The following MTBP variants were observed in gnomAD, a reference collection of about 807,000 sequenced individuals.
The protein encoded by MTBP is MDM2 binding protein, also known as mdm2-binding protein.
A neutral mutation model predicts 117.0 loss-of-function variants in MTBP; 101 were observed. The ratio of observed to expected loss-of-function variants is 0.86; its 90% CI spans 0.73 to 1.02. The LOEUF (loss-of-function observed/expected upper bound fraction) is 1.02, where lower values mean the gene tolerates loss of function less well. Ranked by LOEUF, MTBP falls within the 50% of genes least tolerant of loss-of-function variation. The pLI, the probability that MTBP is intolerant of heterozygous loss-of-function variation, is 0.00. For missense variants in MTBP, 970 were observed against 1,030.9 expected, an observed-to-expected ratio of 0.94 and a Z score of 0.81; for synonymous variants, 350 against 351.5, an observed-to-expected ratio of 1.00 and a Z score of 0.05.
At chr8:120,461,726 C>T (rs186700669) in intron 9 of MTBP, among the ~76,000 whole-genome samples, 1 of 152,218 alleles carries the variant, frequency 6.6e-6, no homozygotes, top group East Asian at 1.9e-4. Flanking sequence ...GTTAACTTTA[C>T]TATTATTTTT....
intron 20 of MTBP, among the ~76,000 whole-genome samples, chr8:120,520,591 C>T (rs779481732): frequency 1.4e-4 from 21 of 152,120 alleles, no homozygotes; most frequent in Non-Finnish European, 2.2e-4. Context: ...AATTCTTCAA[C>T]GAGTCACATA....
intron 11 of MTBP, chr8:120,472,957 G>A (rs1041823511): frequency 4.6e-5 from 7 of 152,130 alleles, no homozygotes; most frequent in African/African-American, 1.7e-4. Context: ...CAAGGATAGG[G>A]TCTTTAGAAA....
At chr8:120,451,529 T>C (rs1586936127) in intron 4 of MTBP, 1 of 471,230 alleles carries the variant, frequency 2.1e-6, no homozygotes. Flanking sequence ...TCAAGAATCA[T>C]AAAAAGTGAT....
intron 11 of MTBP, among the ~76,000 whole-genome samples, chr8:120,487,267 G>A (rs1814240973): frequency 6.6e-6 from 1 of 152,136 alleles, no homozygotes; most frequent in Non-Finnish European, 1.5e-5. Context: ...GCCATCTGGG[G>A]TCACCATTCC....
At chr8:120,463,850 A>C in intron 10 of MTBP, 89 bp downstream of exon 10, 1 of 1,232,552 alleles carries the variant, frequency 8.1e-7, no homozygotes, top group Non-Finnish European at 1.1e-6. Context: ...TAACTTATTA[A>C]TCTGTTTGCT....
At chr8:120,496,277 G>A (rs1316153879) in intron 13 of MTBP, among the ~76,000 whole-genome samples, 1 of 152,188 alleles carries the variant, frequency 6.6e-6, no homozygotes, top group African/African-American at 2.4e-5. Flanking sequence ...AGGAAGAGGG[G>A]AGCTGAAAGT....
intron 17 of MTBP, 38 bp from the exon 18 acceptor site, chr8:120,515,887 T>C (rs561284614): frequency 1.9e-6 from 3 of 1,587,272 alleles, no homozygotes; most frequent in African/African-American, 1.3e-5. Flanking sequence ...GTTGCTCTCA[T>C]GGAGGTTTAC....
In MTBP at chr8:120,495,099, CTTTG is replaced by C. The variant is rs971720574; in HGVS notation, c.1448-2289_1448-2286del. Among the ~76,000 whole-genome samples, 5 of 151,880 alleles carry C rather than the reference CTTTG, an allele frequency of 3.3e-5. No homozygotes were observed. In the East Asian group the frequency reaches 5.8e-4, roughly 18 times the overall value. On this transcript the variant is annotated intron_variant, in intron 13 of 21. Transcript: ENST00000305949. Reference sequence around the variant, plus strand: ...TATTCTCCTTTTTCTTGGATTATGCCTTTGTTTGGTTGGTGCACTTCTTCCAGTC... The same window carrying C: ...TATTCTCCTTTTTCTTGGATTATGCCTTTGGTTGGTGCACTTCTTCCAGTC...
At chr8:120,506,239 T>C (rs1814683398) in intron 15 of MTBP, among the ~76,000 whole-genome samples, 1 of 152,182 alleles carries the variant, frequency 6.6e-6, no homozygotes. Context: ...GATTATTGTC[T>C]CATTTCACGG....
intron 10 of MTBP, among the ~76,000 whole-genome samples, chr8:120,466,111 G>A (rs749539064): frequency 7.3e-5 from 11 of 151,586 alleles, no homozygotes; most frequent in Non-Finnish European, 1.5e-4. Flanking sequence ...GCAGCAAAAG[G>A]GATTATTTTT....
chr8:120,453,375 G>A (rs922042755), intron 4 of MTBP, among the ~76,000 whole-genome samples: 1 of 151,800 alleles, frequency 6.6e-6, no homozygotes, highest in African/African-American at 2.4e-5. Flanking sequence ...TGAACCTGGG[G>A]GATTGAGGCT....
intron 17 of MTBP, among the ~76,000 whole-genome samples, chr8:120,512,714 T>C (rs1814838808): frequency 6.6e-6 from 1 of 151,876 alleles, no homozygotes; most frequent in Admixed American, 6.6e-5. Flanking sequence ...TGTGACTCAC[T>C]TTTTTTTACT....
At chr8:120,451,401 A>G (rs755281542) in intron 4 of MTBP, 79 bp downstream of exon 4, 8 of 1,281,844 alleles carry the variant, frequency 6.2e-6, no homozygotes, top group African/African-American at 6.0e-5. Context: ...AATGAAGATT[A>G]TATATTTTAG....
At chr8:120,497,143 T>G (rs1159919539) in intron 13 of MTBP, among the ~76,000 whole-genome samples, 1 of 152,240 alleles carries the variant, frequency 6.6e-6, no homozygotes, top group Non-Finnish European at 1.5e-5. Flanking sequence ...AAGGCTTTAG[T>G]AAACCTGCCT....
At position 120,523,278 on chromosome 8, in the gene MTBP, C is replaced by A. The variant is rs911171723; in HGVS notation, c.2677-20C>A. On this transcript the variant is annotated intron_variant, in intron 21 of 21. Coordinates refer to ENST00000305949, the MANE Select transcript of MTBP (RefSeq NM_022045.5). ...GTTTTCAAGAGAAATCTTCTGTAAT[C>A]ATATTTTTTCTCCCCCTAGGTGATT... 6.7e-7 allele frequency: 1 copy of A among 1,497,374 alleles called. No homozygotes were observed. The highest frequency in any genetic ancestry group is 1.4e-5 in the African/African-American group (1 of 70,950). 92.8% of individuals were successfully genotyped at this position (1,497,374 alleles called of 1,614,324 possible). A position where few individuals can be genotyped will look rare whatever the true frequency, so the allele number is the denominator to read the frequency against.
chr8:120,468,379 A>T lies in MTBP; in HGVS notation c.1048-2441A>T, dbSNP rs141370156. ...TATGAATAAAAATAGAAACCATTAC[A>T]ATCAACACATTTTTGCCAATGATAA... On this transcript the variant is annotated intron_variant, in intron 10 of 21. Transcript: ENST00000305949. Among the ~76,000 whole-genome samples the T allele has an allele frequency of 1.6e-4, 24 of 152,298 alleles. 2 individuals are homozygous for T. The East Asian group carries it at 4.6e-3, about 29-fold the overall frequency.
rs1192921557 is a variant in MTBP at position 120,456,669 on chromosome 8, A to C, written c.746A>C (p.Lys249Thr). The C allele has an allele frequency of 6.7e-7, 1 of 1,498,208 alleles. No individual in the cohort carries two copies. Among genetic ancestry groups the C allele is most frequent in the Non-Finnish European group, 9.2e-7 (1 of 1,084,766 alleles). 92.8% of individuals were successfully genotyped at this position (1,498,208 alleles called of 1,614,324 possible). Residue 249 changes from lysine to threonine, a missense_variant and splice_region_variant, in exon 7 of 22, where the codon AAG becomes ACG. By Grantham distance (78) the Lys-to-Thr change is moderately conservative. Transcript: ENST00000305949. Reference sequence around the variant, plus strand: ...GGGAAAATACAGATATGGGAAAGAAAGGTAAATGGATTATTCACAGTTTGC... The same window carrying C: ...GGGAAAATACAGATATGGGAAAGAACGGTAAATGGATTATTCACAGTTTGC... ...WRGKIQIWER[K>T]FGFEISFPEF...
intron 16 of MTBP, 32 bp from the exon 17 acceptor site, chr8:120,509,902 T>G (rs773450363): frequency 6.7e-6 from 10 of 1,481,980 alleles, no homozygotes; most frequent in African/African-American, 1.4e-5. Flanking sequence ...GTAAATAAAC[T>G]TTGAATACAA....
intron 11 of MTBP, among the ~76,000 whole-genome samples, chr8:120,487,754 C>T (rs148850486): frequency 7.9e-5 from 12 of 152,298 alleles, no homozygotes; most frequent in Non-Finnish European, 1.2e-4. Flanking sequence ...GGGCAAGAAG[C>T]GAAAAGCTTC....
Sources: gnomAD v4.1 joint callset for allele counts (sites outside exome capture counted in the v4.1 genomes callset) on GRCh38, gnomAD v4.1.1 for gene constraint, MANE v1.5 for transcripts, NCBI Gene and HGNC (gene_info 2026-07-23, HGNC 2026-07-21) for gene names.